The following SSBP2 variants were observed in gnomAD, a reference collection of about 807,000 sequenced individuals.
The protein encoded by SSBP2 is single stranded DNA binding protein 2.
In SSBP2, 17 loss-of-function variants were observed where a neutral mutation model predicts 61.8. The observed-to-expected ratio is 0.28, with a 90% confidence interval of 0.19 to 0.41. The LOEUF is 0.41. SSBP2 is among the 10% of genes least tolerant of loss of function. The pLI is 1.00. For synonymous variants in SSBP2, 139 were observed against 141.3 expected (o/e 0.98, Z 0.12); for missense variants, 310 against 458.7 (o/e 0.68, Z 2.96).
intron 5 of SSBP2, among the ~76,000 whole-genome samples, chr5:81,499,632 A>G (rs780634972): frequency 4.4e-4 from 67 of 152,248 alleles, no homozygotes; most frequent in Non-Finnish European, 6.2e-4. Flanking sequence ...ACTGATTAAA[A>G]TGACAATGAC....
intron 3 of SSBP2, among the ~76,000 whole-genome samples, chr5:81,630,080 G>A (rs968799379): frequency 1.3e-5 from 2 of 152,182 alleles, no homozygotes; most frequent in Admixed American, 6.5e-5. Flanking sequence ...ATGGAAATGA[G>A]AAGAAGTCAT....
intron 5 of SSBP2, among the ~76,000 whole-genome samples, chr5:81,494,526 T>C (rs901721425): frequency 2.0e-5 from 3 of 152,128 alleles, no homozygotes; most frequent in Admixed American, 6.5e-5. Context: ...AGTACGCCTA[T>C]AAAAAGAGGC....
At chr5:81,592,750 G>C (rs1743208305) in intron 4 of SSBP2, among the ~76,000 whole-genome samples, 1 of 152,176 alleles carries the variant, frequency 6.6e-6, no homozygotes, top group African/African-American at 2.4e-5. Flanking sequence ...TGGACCTCTA[G>C]AAAACTCCAA....
At chr5:81,615,887 A>G in intron 3 of SSBP2, among the ~76,000 whole-genome samples, 1 of 152,366 alleles carries the variant, frequency 6.6e-6, no homozygotes. Flanking sequence ...TCCCATGAAG[A>G]ATAGAAACAG....
chr5:81,494,449 G>C (rs544480883), intron 5 of SSBP2, among the ~76,000 whole-genome samples: 1 of 152,146 alleles, frequency 6.6e-6, no homozygotes, highest in African/African-American at 2.4e-5. Flanking sequence ...CCAATGTGAT[G>C]GTATTTGGAG....
At chr5:81,668,599 G>C (rs1162525207) in intron 1 of SSBP2, among the ~76,000 whole-genome samples, 1 of 151,798 alleles carries the variant, frequency 6.6e-6, no homozygotes, top group Non-Finnish European at 1.5e-5. Context: ...GTTATTTTTA[G>C]CCAGTTGAAT....
chr5:81,470,920 G>T (rs750610298), intron 8 of SSBP2, among the ~76,000 whole-genome samples: 1 of 151,694 alleles, frequency 6.6e-6, no homozygotes, highest in African/African-American at 2.4e-5. Context: ...AAATAAATAC[G>T]TCATAAGATT....
At chr5:81,741,857 ATGAAAGT>A (rs1219002923) in intron 1 of SSBP2, among the ~76,000 whole-genome samples, 2 of 152,208 alleles carry the variant, frequency 1.3e-5, no homozygotes, top group African/African-American at 4.8e-5. Context: ...TTTTTGTTTA[ATGAAAGT>A]ACTGACATAA....
chr5:81,556,453 A>G (rs998329627), intron 4 of SSBP2, among the ~76,000 whole-genome samples: 7 of 152,076 alleles, frequency 4.6e-5, no homozygotes, highest in Admixed American at 1.3e-4. Flanking sequence ...TAACACAGAC[A>G]ATTTTAGTCC....
intron 4 of SSBP2, among the ~76,000 whole-genome samples, chr5:81,598,600 C>T (rs1049727160): frequency 1.3e-5 from 2 of 152,130 alleles, no homozygotes; most frequent in Admixed American, 6.6e-5. Context: ...TCCAACCCAC[C>T]CTTCTTATTG....
intron 10 of SSBP2, 125 bp downstream of exon 10, chr5:81,460,930 G>C (rs572840942): frequency 2.2e-6 from 1 of 460,418 alleles, no homozygotes; most frequent in African/African-American, 2.1e-5. Flanking sequence ...TAAACTTTTT[G>C]AATGATTACT....
At chr5:81,632,619 T>G (rs1747831880) in intron 3 of SSBP2, among the ~76,000 whole-genome samples, 1 of 152,118 alleles carries the variant, frequency 6.6e-6, no homozygotes, top group Admixed American at 6.6e-5. Context: ...TTCCCAGCAT[T>G]TGTGCTTTGG....
At chr5:81,497,926 G>C (rs1313496798) in intron 5 of SSBP2, among the ~76,000 whole-genome samples, 2 of 152,058 alleles carry the variant, frequency 1.3e-5, no homozygotes, top group East Asian at 3.8e-4. Context: ...GTAACTTACT[G>C]ATCTTTTTCT....
At chr5:81,708,651 A>T (rs1754563140) in intron 1 of SSBP2, among the ~76,000 whole-genome samples, 1 of 122,154 alleles carries the variant, frequency 8.2e-6, no homozygotes, top group Non-Finnish European at 1.7e-5. Context: ...CAACCAGAAA[A>T]TTAATGTTTC....
intron 2 of SSBP2, among the ~76,000 whole-genome samples, chr5:81,643,175 A>G (rs1229394152): frequency 6.6e-6 from 1 of 152,124 alleles, no homozygotes; most frequent in Non-Finnish European, 1.5e-5. Flanking sequence ...CCGGGATAGC[A>G]CGATTCTGGA....
At chr5:81,686,981 C>G (rs979301723) in intron 1 of SSBP2, among the ~76,000 whole-genome samples, 4 of 151,828 alleles carry the variant, frequency 2.6e-5, no homozygotes, top group Admixed American at 6.6e-5. Context: ...GTCCTCCCAG[C>G]AAGAACACCG....
intron 3 of SSBP2, among the ~76,000 whole-genome samples, chr5:81,634,854 G>A (rs1003576484): frequency 6.6e-6 from 1 of 152,088 alleles, no homozygotes; most frequent in Non-Finnish European, 1.5e-5. Context: ...TAATGCCTTG[G>A]CTTAGATATC....
intron 12 of SSBP2, among the ~76,000 whole-genome samples, chr5:81,445,176 ATGT>A (rs1763322856): frequency 1.3e-5 from 1 of 79,584 alleles, no homozygotes; most frequent in Admixed American, 1.3e-4. Flanking sequence ...ATATATATAT[ATGT>A]ATGTATTTAC....
intron 4 of SSBP2, among the ~76,000 whole-genome samples, chr5:81,539,245 GA>G (rs1366809022): frequency 6.6e-6 from 1 of 152,156 alleles, no homozygotes; most frequent in African/African-American, 2.4e-5. Flanking sequence ...AAATGTAGTG[GA>G]AATAGAGGGA....
Sources: gnomAD v4.1 joint callset for allele counts (sites outside exome capture counted in the v4.1 genomes callset) on GRCh38, gnomAD v4.1.1 for gene constraint, MANE v1.5 for transcripts, NCBI Gene and HGNC (gene_info 2026-07-23, HGNC 2026-07-21) for gene names.